COL5A2: variants seen among roughly 807,000 people sequenced by gnomAD.
COL5A2 encodes the protein collagen alpha-2(V) chain.
COL5A2 carries 23 observed loss-of-function variants against 208.2 expected under a neutral mutation model. The ratio of observed to expected loss-of-function variants is 0.11; its 90% CI spans 0.08 to 0.16. The LOEUF (loss-of-function observed/expected upper bound fraction) is 0.16, where lower values mean the gene tolerates loss of function less well. Ranked by LOEUF, COL5A2 falls within the 10% of genes least tolerant of loss-of-function variation. The pLI, the probability that COL5A2 is intolerant of heterozygous loss-of-function variation, is 1.00. For missense variants in COL5A2, 1,590 were observed against 1,956.4 expected (o/e 0.81, Z 3.53); for synonymous variants, 625 against 628.5 (o/e 0.99, Z 0.08).
the COL5A2 span, among the ~76,000 whole-genome samples, chr2:189,296,070 C>G: frequency 6.6e-6 from 1 of 152,084 alleles, no homozygotes; most frequent in African/African-American, 2.4e-5. Context: ...CTCTTCTCTT[C>G]TGAGCCTCTA....
At chr2:189,304,777 G>A in the COL5A2 span, among the ~76,000 whole-genome samples, 35 of 152,296 alleles carry the variant, frequency 2.3e-4, no homozygotes, top group African/African-American at 7.7e-4. Flanking sequence ...ATATGTAATA[G>A]GAGGTGCCTC....
the COL5A2 span, among the ~76,000 whole-genome samples, chr2:189,277,867 G>A: frequency 9.9e-5 from 15 of 152,198 alleles, no homozygotes; most frequent in East Asian, 2.7e-3. Flanking sequence ...TTTGGGTTTG[G>A]AGTCAGGGAC....
intron 1 of COL5A2, among the ~76,000 whole-genome samples, chr2:189,220,191 G>C (rs1238187155): frequency 6.6e-6 from 1 of 152,140 alleles, no homozygotes; most frequent in South Asian, 2.1e-4. Context: ...TTTTCTTAAA[G>C]GGAGATCCAG....
chr2:189,296,545 C>A, the COL5A2 span, among the ~76,000 whole-genome samples: 40 of 152,160 alleles, frequency 2.6e-4, no homozygotes, highest in African/African-American at 9.7e-4. Context: ...TGGTAGAGGT[C>A]TTTCATTGTA....
chr2:189,322,960 A>G, the COL5A2 span, among the ~76,000 whole-genome samples: 2 of 151,306 alleles, frequency 1.3e-5, no homozygotes, highest in East Asian at 3.9e-4. Flanking sequence ...GCAGCACAAA[A>G]AGCTTATCCA....
chr2:189,150,130 C>T (rs1191067585), intron 1 of COL5A2, among the ~76,000 whole-genome samples: 4 of 152,094 alleles, frequency 2.6e-5, no homozygotes, highest in Non-Finnish European at 5.9e-5. Flanking sequence ...GGCAAACATT[C>T]CTGAACAATG....
intron 1 of COL5A2, among the ~76,000 whole-genome samples, chr2:189,188,701 G>A (rs1031635056): frequency 6.6e-6 from 1 of 152,124 alleles, no homozygotes. Flanking sequence ...TATGCTCCAC[G>A]TCCTGCTTTT....
chr2:189,081,189 T>C lies in COL5A2; in HGVS notation c.853-146A>G, dbSNP rs1340355111. On this transcript the variant is annotated intron_variant, in intron 12 of 53. Coordinates refer to ENST00000374866, the MANE Select transcript of COL5A2 (RefSeq NM_000393.5). Reference sequence around the variant, plus strand: ...AACAAAAAAAAGCAGTATACTTTTATCTGTCAAAATATATCTGGGTGATCA... The same window carrying C: ...AACAAAAAAAAGCAGTATACTTTTACCTGTCAAAATATATCTGGGTGATCA... The C allele has an allele frequency of 5.6e-5, 38 of 679,238 alleles. 1 individual carries two copies. In the South Asian group the frequency reaches 6.1e-4, roughly 11 times the overall value. The allele number at this position is 679,238 out of a possible 1,614,324, so 42.1% of individuals were successfully genotyped here.
intron 14 of COL5A2, 43 bp downstream of exon 14, chr2:189,079,935 A>G (rs1268228722): frequency 6.5e-7 from 1 of 1,546,220 alleles, no homozygotes; most frequent in Non-Finnish European, 8.9e-7. Flanking sequence ...AAGCAAAACT[A>G]AGATGCCAAA....
chr2:189,047,120 C>CA (rs57456004), intron 45 of COL5A2, among the ~76,000 whole-genome samples: 16,252 of 109,152 alleles, frequency 0.15, 1,199 homozygotes, highest in African/African-American at 0.26. Flanking sequence ...GACTCTGTCT[C>CA]AAAAAAAAAA....
the COL5A2 span, among the ~76,000 whole-genome samples, chr2:189,387,934 G>A: frequency 6.6e-6 from 1 of 152,154 alleles, no homozygotes; most frequent in African/African-American, 2.4e-5. Flanking sequence ...ACAGGCACAT[G>A]CCATCACATC....
the COL5A2 span, among the ~76,000 whole-genome samples, chr2:189,392,815 G>A: frequency 6.6e-6 from 1 of 152,126 alleles, no homozygotes; most frequent in African/African-American, 2.4e-5. Context: ...TAGAAGCCTT[G>A]TTAAGGATTT....
the COL5A2 span, among the ~76,000 whole-genome samples, chr2:189,306,270 A>G: frequency 6.6e-6 from 1 of 152,138 alleles, no homozygotes; most frequent in Non-Finnish European, 1.5e-5. Context: ...GGACTTGAGC[A>G]CATCTTTCCT....
the COL5A2 span, among the ~76,000 whole-genome samples, chr2:189,247,642 T>C: frequency 6.6e-6 from 1 of 151,622 alleles, no homozygotes. Context: ...TGCAATGGCA[T>C]GATCTCAGCT....
chr2:189,048,396 G>A, intron 44 of COL5A2, 134 bp from the exon 45 acceptor site: 2 of 733,284 alleles, frequency 2.7e-6, no homozygotes, highest in Non-Finnish European at 2.4e-6. Context: ...GCAAATGTCA[G>A]CAGAAGAACG....
chr2:189,162,606 A>G (rs933971162), intron 1 of COL5A2, among the ~76,000 whole-genome samples: 3 of 152,186 alleles, frequency 2.0e-5, no homozygotes, highest in Admixed American at 1.3e-4. Flanking sequence ...AGAATCTAAC[A>G]GTTTTCTCCT....
exon 1 of COL5A2, among the ~76,000 whole-genome samples, chr2:189,225,300 T>G (rs1460191341): frequency 6.6e-6 from 1 of 152,094 alleles, no homozygotes; most frequent in Non-Finnish European, 1.5e-5. Flanking sequence ...TGGCCAGAGT[T>G]CTCAAGACCT....
At chr2:189,422,978 G>A in the COL5A2 span, among the ~76,000 whole-genome samples, 1 of 147,992 alleles carries the variant, frequency 6.8e-6, no homozygotes, top group Admixed American at 6.8e-5. Context: ...AGCCGAGATT[G>A]TGCCGTTGCA....
intron 52 of COL5A2, among the ~76,000 whole-genome samples, chr2:189,035,413 G>A (rs971584921): frequency 2.0e-5 from 3 of 151,850 alleles, no homozygotes; most frequent in African/African-American, 7.3e-5. Flanking sequence ...ACGAGAACAA[G>A]CATAAGTATT....
Sources: gnomAD v4.1 joint callset for allele counts (sites outside exome capture counted in the v4.1 genomes callset) on GRCh38, gnomAD v4.1.1 for gene constraint, MANE v1.5 for transcripts, NCBI Gene and HGNC (gene_info 2026-07-23, HGNC 2026-07-21) for gene names.